The following SEMA6B variants were observed in gnomAD, a reference collection of about 807,000 sequenced individuals.
SEMA6B encodes the protein semaphorin-6B.
SEMA6B carries 47 observed loss-of-function variants against 78.6 expected under a neutral mutation model. That is an observed-to-expected ratio of 0.60 (90% CI 0.47 to 0.76). The LOEUF is 0.76. SEMA6B is among the 30% of genes least tolerant of loss of function. The pLI is 0.00. For missense variants in SEMA6B, 1,213 were observed against 1,269.9 expected (o/e 0.96, Z 0.68); for synonymous variants, 632 against 592.2 (o/e 1.07, Z -0.98).
At position 4,552,761 on chromosome 19, in the gene SEMA6B, C is replaced by A. The variant is rs1175088843; in HGVS notation, c.772-122G>T. On this transcript the variant is annotated intron_variant, in intron 9 of 16. Coordinates refer to ENST00000586582, the MANE Select transcript of SEMA6B (RefSeq NM_032108.4). The surrounding 1 kb of genome is among the most constrained non-coding windows in gnomAD (Gnocchi z 7.4). ...AGTCTGACCCTGGCTCTGGTGGGAC[C>A]CCGGCCAGTCACCGTTCCTCTCTGG... 4.4e-6 allele frequency: 4 copies of A among 901,414 alleles called. No individual in the cohort carries two copies. Among genetic ancestry groups the A allele is most frequent in the East Asian group, 2.7e-5 (1 of 36,370 alleles). 55.8% of individuals were successfully genotyped at this position (901,414 alleles called of 1,614,324 possible).
chr19:4,558,539 C>T lies in SEMA6B; in HGVS notation c.-32-50G>A. ...AGCGGCCTGCAGTCCCGCTCGTGGC[C>T]ACAAGACGGCGGGCGAGAGCAGCAG... is the stretch of plus-strand genomic sequence containing the variant. On this transcript the variant is annotated intron_variant, in intron 1 of 16. Transcript: ENST00000586582. The surrounding 1 kb of genome is among the most constrained non-coding windows in gnomAD (Gnocchi z 5.1). 5 of 1,189,810 alleles carry T rather than the reference C, an allele frequency of 4.2e-6. No homozygotes were observed. The highest frequency in any genetic ancestry group is 4.2e-6 in the Non-Finnish European group (4 of 949,178). 73.7% of individuals were successfully genotyped at this position (1,189,810 alleles called of 1,614,324 possible). A position where few individuals can be genotyped will look rare whatever the true frequency, so the allele number is the denominator to read the frequency against.
At chr19:4,549,547 T>C (rs1387089150) in intron 12 of SEMA6B, among the ~76,000 whole-genome samples, 17 of 150,404 alleles carry the variant, frequency 1.1e-4, no homozygotes, top group Middle Eastern at 3.6e-3. Context: ...GGCGTGATCT[T>C]GGCTCACTGC....
intron 16 of SEMA6B, 176 bp downstream of exon 16, chr19:4,546,040 G>A (rs1977155450): frequency 1.7e-6 from 1 of 577,872 alleles, no homozygotes; most frequent in Admixed American, 3.2e-5. Context: ...CAAAGTGCTG[G>A]GATTACAGGC....
chr19:4,553,525 T>C (rs977128402), intron 9 of SEMA6B, among the ~76,000 whole-genome samples: 1 of 145,658 alleles, frequency 6.9e-6, no homozygotes, highest in Non-Finnish European at 1.5e-5. Flanking sequence ...GATAAATGGA[T>C]GGATAGATGG....
Position 4,557,164 on chromosome 19 carries a change from C to G in SEMA6B, c.305G>C (p.Arg102Thr). The change falls in exon 4 of 17, where the codon AGG becomes ACG. Residue 102 changes from arginine (R) to threonine (T), a missense_variant and splice_region_variant. By Grantham distance (71) the Arg-to-Thr change is moderately conservative (BLOSUM62 -1). Coordinates refer to ENST00000586582, the MANE Select transcript of SEMA6B (RefSeq NM_032108.4). ...CTCCCACCTGCACCCCTTCCTCACCCTCTGGTACCGCAGCTCCGTGGACGT... is the reference window on the plus strand; with the variant it reads ...CTCCCACCTGCACCCCTTCCTCACCGTCTGGTACCGCAGCTCCGTGGACGT... Reference protein sequence around the residue: ...PPTSTELRYQRKLTWRSNPSD... With the variant: ...PPTSTELRYQTKLTWRSNPSD... The G allele has an allele frequency of 1.9e-6, 3 of 1,611,310 alleles. No individual in the cohort carries two copies. The highest frequency in any genetic ancestry group is 2.5e-6 in the Non-Finnish European group (3 of 1,178,330).
chr19:4,544,557 G>A lies in SEMA6B; in HGVS notation c.1739-28C>T. ...GGCCGGGGAGCACAGGGGGGTTAGT[G>A]GGGCCGGCGGGGTGGCCCTGGGCAT... On this transcript the variant is annotated intron_variant, in intron 16 of 16. Coordinates refer to ENST00000586582, the MANE Select transcript of SEMA6B (RefSeq NM_032108.4). This position sits in a 1 kb window ranked among gnomAD's most constrained non-coding sequence, Gnocchi z 5.1. The A allele has an allele frequency of 7.1e-7, 1 of 1,405,180 alleles. No homozygotes were observed. The highest frequency in any genetic ancestry group is 9.4e-7 in the Non-Finnish European group (1 of 1,068,248). 87.0% of individuals were successfully genotyped at this position (1,405,180 alleles called of 1,614,324 possible).
In SEMA6B at chr19:4,544,956, T is replaced by G. The variant is rs35038650; in HGVS notation, c.1739-427A>C. On this transcript the variant is annotated intron_variant, in intron 16 of 16. Transcript: ENST00000586582. The surrounding 1 kb of genome is among the most constrained non-coding windows in gnomAD (Gnocchi z 5.1). ...CTTATTTTTATTATTTTTTAATTTT[T>G]TTTGTTTGTTTGTTTTGAGACAGTC... Among the ~76,000 whole-genome samples, 82,248 of 151,748 alleles carry G rather than the reference T, an allele frequency of 0.54. 22,834 individuals are homozygous for G. Among genetic ancestry groups the G allele is most frequent in the East Asian group, 0.88 (4,516 of 5,136 alleles).
chr19:4,543,648 G>A lies in SEMA6B; in HGVS notation c.2620C>T (p.Leu874Phe). The change falls in exon 17 of 17, where the codon CTC becomes TTC. Residue 874 changes from leucine to phenylalanine, a missense_variant. Transcript: ENST00000586582. ...HARPGTDLAH[L>F]LPYGGADRTA... The stretch of plus-strand genomic sequence containing the variant: ...CTGTCCGCCCCCCCATAGGGGAGGA[G>A]GTGGGCCAAGTCTGTGCCCGGCCGG... 5 of 1,232,214 alleles carry A rather than the reference G, an allele frequency of 4.1e-6. No individual in the cohort carries two copies. Among genetic ancestry groups the A allele is most frequent in the Non-Finnish European group, 5.1e-6 (5 of 988,032 alleles). The allele number at this position is 1,232,214 out of a possible 1,614,324, so 76.3% of individuals were successfully genotyped here.
At position 4,555,550 on chromosome 19, in the gene SEMA6B, C is replaced by A. The variant is rs1341010223; in HGVS notation, c.486G>T (p.Gln162His). 1.9e-6 allele frequency: 3 copies of A among 1,613,590 alleles called. No individual in the cohort carries two copies. The highest frequency in any genetic ancestry group is 8.5e-7 in the Non-Finnish European group (1 of 1,179,868). The change falls in exon 7 of 17, where the codon CAG becomes CAT. Residue 162 changes from glutamine (Q) to histidine (H), a missense_variant. By Grantham distance (24) the Gln-to-His change is conservative (BLOSUM62 0). Transcript: ENST00000586582. This position sits in a 1 kb window ranked among gnomAD's most constrained non-coding sequence, Gnocchi z 6.1. ...VCANYSIDTL[Q>H]PVGDNISGMA... ...TACCGCTGATGTTGTCTCCGACGGGCTGCAGGGTGTCTATCTGCAGGGACC... is the reference window on the plus strand; with the variant it reads ...TACCGCTGATGTTGTCTCCGACGGGATGCAGGGTGTCTATCTGCAGGGACC...
rs926906230 is a variant in SEMA6B at position 4,544,951 on chromosome 19, A to AT, written c.1739-423dup. On this transcript the variant is annotated intron_variant, in intron 16 of 16. Coordinates refer to ENST00000586582, the MANE Select transcript of SEMA6B (RefSeq NM_032108.4). The surrounding 1 kb of genome is among the most constrained non-coding windows in gnomAD (Gnocchi z 5.1). Reference sequence around the variant, plus strand: ...CTGGCCTTATTTTTATTATTTTTTAATTTTTTTTGTTTGTTTGTTTTGAGA... The same window carrying AT: ...CTGGCCTTATTTTTATTATTTTTTAATTTTTTTTTGTTTGTTTGTTTTGAGA... 1.3e-5 allele frequency among the ~76,000 whole-genome samples: 2 copies of AT among 150,566 alleles called. No homozygotes were observed. The highest frequency in any genetic ancestry group is 1.3e-4 in the Admixed American group (2 of 15,150).
chr19:4,553,253 G>A (rs563795323), intron 9 of SEMA6B, among the ~76,000 whole-genome samples: 1 of 152,150 alleles, frequency 6.6e-6, no homozygotes, highest in Non-Finnish European at 1.5e-5. Context: ...GAGAAAGCTA[G>A]GTGAGTGGAT....
Position 4,550,642 on chromosome 19 carries a change from G to A in SEMA6B, c.1121+157C>T, listed in dbSNP as rs1052258915. On this transcript the variant is annotated intron_variant, in intron 11 of 16. Transcript: ENST00000586582. The surrounding 1 kb of genome is among the most constrained non-coding windows in gnomAD (Gnocchi z 6.6). ...GCCTCCCAAAGGGCTAGGATTACAGGCGTGAGCCACCACACCAGGCCTCAG... is the reference window on the plus strand; with the variant it reads ...GCCTCCCAAAGGGCTAGGATTACAGACGTGAGCCACCACACCAGGCCTCAG... Among the ~76,000 whole-genome samples the A allele has an allele frequency of 6.6e-6, 1 of 152,146 alleles. No individual in the cohort carries two copies. The highest frequency in any genetic ancestry group is 1.5e-5 in the Non-Finnish European group (1 of 68,022).
Position 4,544,276 on chromosome 19 carries a change from GC to G in SEMA6B, c.1991del (p.Gly664AlafsTer21), listed in dbSNP as rs1443687532. The stretch of plus-strand genomic sequence containing the variant: ...CGCCACCGCCACCGCCTCCGCCCCG[GC>G]CCCCGGGACCCTGCGCCCTGCGCTC... Reference protein sequence around the residue: ...LGERRAQGPGGRGGGGGGGAG... With the variant: ...LGERRAQGPGXRGGGGGGGAG... On this transcript the variant is annotated frameshift_variant, in exon 17 of 17. Transcript: ENST00000586582. LOFTEE classifies it high-confidence loss of function. The surrounding 1 kb of genome is among the most constrained non-coding windows in gnomAD (Gnocchi z 5.1). The G allele has an allele frequency of 7.6e-6, 10 of 1,315,458 alleles. No homozygotes were observed. Among genetic ancestry groups the G allele is most frequent in the South Asian group, 2.1e-5 (1 of 48,204 alleles). The allele number at this position is 1,315,458 out of a possible 1,614,324, so 81.5% of individuals were successfully genotyped here.
Position 4,543,098 on chromosome 19 carries a change from TC to T in SEMA6B, c.*502del. On this transcript the variant is annotated 3_prime_UTR_variant, in exon 17 of 17. Coordinates refer to ENST00000586582, the MANE Select transcript of SEMA6B (RefSeq NM_032108.4). Reference sequence around the variant, plus strand: ...GCTGGCACGCACACACACGCCCACCTCCCCGGCCCCTTGCACACGAACACGG... The same window carrying T: ...GCTGGCACGCACACACACGCCCACCTCCCGGCCCCTTGCACACGAACACGG... The T allele has an allele frequency of 1.6e-6, 1 of 626,190 alleles. No individual in the cohort carries two copies. Among genetic ancestry groups the T allele is most frequent in the Non-Finnish European group, 2.9e-6 (1 of 346,510 alleles). The allele number at this position is 626,190 out of a possible 1,614,324, so 38.8% of individuals were successfully genotyped here. A position where few individuals can be genotyped will look rare whatever the true frequency, so the allele number is the denominator to read the frequency against.
In SEMA6B at chr19:4,550,297, G is replaced by C; in HGVS notation, c.1122-25C>G. The C allele has an allele frequency of 6.2e-7, 1 of 1,612,618 alleles. No homozygotes were observed. Among genetic ancestry groups the C allele is most frequent in the Non-Finnish European group, 8.5e-7 (1 of 1,179,300 alleles). ...CCTGGGGGTGACAAGGGTGTGGTCA[G>C]GACGAACGTAAAGGTTCTCATAAAG... is the stretch of plus-strand genomic sequence containing the variant. On this transcript the variant is annotated intron_variant, in intron 11 of 16. Transcript: ENST00000586582. The surrounding 1 kb of genome is among the most constrained non-coding windows in gnomAD (Gnocchi z 6.6).
rs1977095018 is a variant in SEMA6B, at chr19:4,544,030, A to G, written c.2238T>C (p.Ala746=). 12 of 1,212,608 alleles carry G rather than the reference A, an allele frequency of 9.9e-6. No individual in the cohort carries two copies. The East Asian group carries it at 3.8e-4, about 38-fold the overall frequency. The allele number at this position is 1,212,608 out of a possible 1,614,324, so 75.1% of individuals were successfully genotyped here. Residue 746 remains alanine (A), a synonymous_variant, in exon 17 of 17, where the codon GCT becomes GCC. Coordinates refer to ENST00000586582, the MANE Select transcript of SEMA6B (RefSeq NM_032108.4). This position sits in a 1 kb window ranked among gnomAD's most constrained non-coding sequence, Gnocchi z 5.1. ...GCGCCAGCAGCAGGAGGGAGGATGA[A>G]GCGGAGGCCGGGAGCAGGGGGTGGC... ...DHGHPLLPAS[A]SSSLLLLAPA...
chr19:4,557,368 A>C, intron 3 of SEMA6B, 145 bp from the exon 4 acceptor site: 16 of 609,820 alleles, frequency 2.6e-5, no homozygotes, highest in East Asian at 8.6e-5. Context: ...CGCCGACCAC[A>C]CCCCCCCAAG....
In SEMA6B at chr19:4,544,601, G is replaced by A. The variant is rs1179979104; in HGVS notation, c.1739-72C>T. 2.4e-6 allele frequency: 2 copies of A among 843,754 alleles called. No individual in the cohort carries two copies. The highest frequency in any genetic ancestry group is 3.3e-6 in the Non-Finnish European group (2 of 608,890). 52.3% of individuals were successfully genotyped at this position (843,754 alleles called of 1,614,324 possible). On this transcript the variant is annotated intron_variant, in intron 16 of 16. Transcript: ENST00000586582. The surrounding 1 kb of genome is among the most constrained non-coding windows in gnomAD (Gnocchi z 5.1). ...TGGGCATCCCTCCTACCTCCTCGGG[G>A]CCCTCTGTCCTCTTTTTTATTATTT...
Position 4,555,158 on chromosome 19 carries a change from G to A in SEMA6B, c.563-63C>T, listed in dbSNP as rs1977434443. On this transcript the variant is annotated intron_variant, in intron 7 of 16. Coordinates refer to ENST00000586582, the MANE Select transcript of SEMA6B (RefSeq NM_032108.4). This position sits in a 1 kb window ranked among gnomAD's most constrained non-coding sequence, Gnocchi z 6.1. The stretch of plus-strand genomic sequence containing the variant: ...GACCGCAGAGGCCAGGGGCTGGGTG[G>A]GTCGAAACTCGATTTTCTGAGACTG... The A allele has an allele frequency of 6.3e-7, 1 of 1,577,372 alleles. No individual in the cohort carries two copies. Among genetic ancestry groups the A allele is most frequent in the South Asian group, 1.1e-5 (1 of 89,182 alleles).
Sources: gnomAD v4.1 joint callset for allele counts (sites outside exome capture counted in the v4.1 genomes callset) on GRCh38, gnomAD v4.1.1 for gene constraint, Gnocchi (gnomAD v3.1) non-coding constraint, MANE v1.5 for transcripts, NCBI Gene and HGNC (gene_info 2026-07-23, HGNC 2026-07-21) for gene names.